The following SLC71A1 variants were observed in gnomAD, a reference collection of about 807,000 sequenced individuals.
The protein encoded by SLC71A1 is solute carrier family 71 member 1.
chr1:100,078,049 A>G, the SLC71A1 span, among the ~76,000 whole-genome samples: 1 of 152,260 alleles, frequency 6.6e-6, no homozygotes, highest in African/African-American at 2.4e-5. Context: ...GATTAGATCA[A>G]ATCAGCGATA....
At chr1:100,064,025 T>A in the SLC71A1 span, among the ~76,000 whole-genome samples, 1,390 of 152,338 alleles carry the variant, frequency 9.1e-3, 24 homozygotes, top group African/African-American at 0.032. Context: ...AGAGCCCTGC[T>A]GAGATCTGGG....
chr1:100,063,673 G>A, the SLC71A1 span, among the ~76,000 whole-genome samples: 1 of 152,194 alleles, frequency 6.6e-6, no homozygotes, highest in Non-Finnish European at 1.5e-5. Flanking sequence ...GTGTGTGCCT[G>A]TAGTCCCAGC....
chr1:100,072,471 C>G, the SLC71A1 span, among the ~76,000 whole-genome samples: 4 of 151,788 alleles, frequency 2.6e-5, no homozygotes, highest in Non-Finnish European at 5.9e-5. Context: ...TAGCGGACCT[C>G]TGAGTAGATG....
chr1:100,077,133 T>C, the SLC71A1 span: 1 of 1,059,674 alleles, frequency 9.4e-7, no homozygotes, highest in South Asian at 1.4e-5. Context: ...TTTAAAACTT[T>C]ATTCTGATAA....
chr1:100,082,961 A>C, the SLC71A1 span: 2 of 152,568 alleles, frequency 1.3e-5, no homozygotes, highest in Admixed American at 6.5e-5. Flanking sequence ...CAACACTTGA[A>C]TACATAATCT....
At chr1:100,038,168 A>G in the SLC71A1 span, 2 of 1,400,710 alleles carry the variant, frequency 1.4e-6, no homozygotes, top group Non-Finnish European at 2.0e-6. Flanking sequence ...GTGGGACGGC[A>G]CTAGCTGCTG....
the SLC71A1 span, chr1:100,057,874 G>A: frequency 6.6e-6 from 1 of 152,176 alleles, no homozygotes. Flanking sequence ...ATTACTGAGC[G>A]ATAGCATTGG....
At chr1:100,039,834 T>C in the SLC71A1 span, among the ~76,000 whole-genome samples, 1 of 152,258 alleles carries the variant, frequency 6.6e-6, no homozygotes, top group African/African-American at 2.4e-5. Context: ...AGCTTCCTTT[T>C]CCTTGGAAAG....
At chr1:100,053,956 A>G in the SLC71A1 span, among the ~76,000 whole-genome samples, 1 of 151,534 alleles carries the variant, frequency 6.6e-6, no homozygotes, top group Non-Finnish European at 1.5e-5. Context: ...ATTATGTAAC[A>G]TATTAGCTAA....
chr1:100,039,411 A>G, the SLC71A1 span, among the ~76,000 whole-genome samples: 1 of 152,244 alleles, frequency 6.6e-6, no homozygotes, highest in Admixed American at 6.5e-5. Context: ...ACAAAATTTT[A>G]TGACATTTCA....
chr1:100,038,143 G>T, the SLC71A1 span: 6 of 1,187,060 alleles, frequency 5.1e-6, no homozygotes, highest in Non-Finnish European at 2.4e-6. Flanking sequence ...AGAGCGGCTC[G>T]GCCCGGCAGT....
chr1:100,038,104 C>A, the SLC71A1 span: 1 of 773,774 alleles, frequency 1.3e-6, no homozygotes, highest in Non-Finnish European at 2.2e-6. Context: ...CGGAGGCAGG[C>A]CGGGCCCTCA....
the SLC71A1 span, among the ~76,000 whole-genome samples, chr1:100,072,491 G>C: frequency 7.2e-5 from 11 of 151,894 alleles, no homozygotes; most frequent in Non-Finnish European, 1.3e-4. Context: ...GATGAGGTCA[G>C]GATTATATCA....
At chr1:100,040,065 G>T in the SLC71A1 span, among the ~76,000 whole-genome samples, 1 of 152,184 alleles carries the variant, frequency 6.6e-6, no homozygotes, top group South Asian at 2.1e-4. Flanking sequence ...TGAGGGCTGT[G>T]AACATGGGGG....
At chr1:100,043,368 A>G in the SLC71A1 span, 1 of 178,064 alleles carries the variant, frequency 5.6e-6, no homozygotes, top group Non-Finnish European at 1.1e-5. Context: ...AGAGATGAAT[A>G]TGGGTATAAT....
At chr1:100,080,455 C>T in the SLC71A1 span, 1 of 1,552,866 alleles carries the variant, frequency 6.4e-7, no homozygotes, top group Non-Finnish European at 8.8e-7. Flanking sequence ...GGAAAAAAAA[C>T]CAGGTAGTTT....
chr1:100,068,380 T>C, the SLC71A1 span: 75 of 960,196 alleles, frequency 7.8e-5, no homozygotes, highest in Middle Eastern at 2.2e-4. Flanking sequence ...TGTCCATGAG[T>C]ACACTGCCAA....
the SLC71A1 span, among the ~76,000 whole-genome samples, chr1:100,071,258 C>G: frequency 7.5e-6 from 1 of 134,020 alleles, no homozygotes; most frequent in Non-Finnish European, 1.5e-5. Flanking sequence ...TCAAGACCAG[C>G]TCAAGCAACT....
chr1:100,073,023 A>G, the SLC71A1 span, among the ~76,000 whole-genome samples: 5 of 151,862 alleles, frequency 3.3e-5, no homozygotes, highest in Admixed American at 1.3e-4. Flanking sequence ...CTTGCCCGCC[A>G]CCCCTATGCT....
Sources: allele counts gnomAD v4.1 joint callset (sites outside exome capture counted in the v4.1 genomes callset), GRCh38; gene constraint gnomAD v4.1.1; transcripts MANE v1.5; gene names NCBI Gene and HGNC (gene_info 2026-07-23, HGNC 2026-07-21).